The following SORCS2 variants were observed in gnomAD, a reference collection of about 807,000 sequenced individuals.
The protein encoded by SORCS2 is VPS10 domain-containing receptor SorCS2.
In SORCS2, 100 loss-of-function variants were observed where a neutral mutation model predicts 141.6. That is an observed-to-expected ratio of 0.71 (90% CI 0.60 to 0.83). The LOEUF (loss-of-function observed/expected upper bound fraction) is 0.83, where lower values mean the gene tolerates loss of function less well. Ranked by LOEUF, SORCS2 falls within the 40% of genes least tolerant of loss-of-function variation. The pLI, the probability that SORCS2 is intolerant of heterozygous loss-of-function variation, is 0.00. For synonymous variants in SORCS2, 789 were observed against 676.9 expected (o/e 1.17, Z -2.57); for missense variants, 1,646 against 1,560.2 (o/e 1.05, Z -0.93).
chr4:7,495,985 G>A (rs994179378), intron 2 of SORCS2, among the ~76,000 whole-genome samples: 1 of 152,206 alleles, frequency 6.6e-6, no homozygotes, highest in Admixed American at 6.5e-5. Flanking sequence ...GACAGAATGT[G>A]GGCCGAGGGT....
intron 1 of SORCS2, among the ~76,000 whole-genome samples, chr4:7,234,791 C>T (rs1398699429): frequency 6.6e-6 from 1 of 152,274 alleles, no homozygotes; most frequent in East Asian, 1.9e-4. Context: ...GCGCAGCCTG[C>T]CACCCTCTCC....
At chr4:7,268,096 C>T (rs528623155) in intron 1 of SORCS2, among the ~76,000 whole-genome samples, 9 of 152,186 alleles carry the variant, frequency 5.9e-5, no homozygotes, top group Non-Finnish European at 1.0e-4. Context: ...TGGTGGGCCC[C>T]GGGCCCCTGG....
Position 7,336,408 on chromosome 4 carries a change from G to A in SORCS2, c.481-59880G>A, listed in dbSNP as rs887550115. Among the ~76,000 whole-genome samples the A allele has an allele frequency of 1.3e-5, 2 of 151,992 alleles. 1 individual carries two copies. The highest frequency in any genetic ancestry group is 4.8e-5 in the African/African-American group (2 of 41,350). ...TCCCCGGAGGCCCTTGGCCCCGGCT[G>A]AGATCAATGCGAACAGATGGATGAA... On this transcript the variant is annotated intron_variant, in intron 1 of 26. Coordinates refer to ENST00000507866, the MANE Select transcript of SORCS2 (RefSeq NM_020777.3).
chr4:7,536,568 C>G (rs148225688), intron 3 of SORCS2, among the ~76,000 whole-genome samples: 303 of 152,232 alleles, frequency 2.0e-3, no homozygotes, highest in African/African-American at 6.8e-3. Context: ...GACTGTGGGG[C>G]AGAGGTCAGG....
chr4:7,375,986 T>C (rs976543919), intron 1 of SORCS2, among the ~76,000 whole-genome samples: 1 of 152,192 alleles, frequency 6.6e-6, no homozygotes, highest in South Asian at 2.1e-4. Context: ...ATGAGGTGAA[T>C]GCTTATAGCT....
chr4:7,480,777 C>T (rs887620513), intron 2 of SORCS2, among the ~76,000 whole-genome samples: 9 of 152,240 alleles, frequency 5.9e-5, no homozygotes, highest in East Asian at 1.9e-4. Context: ...CTCCCCAGCT[C>T]GCCAGGGCCG....
intron 2 of SORCS2, among the ~76,000 whole-genome samples, chr4:7,514,191 G>T (rs1018568898): frequency 6.6e-6 from 1 of 152,150 alleles, no homozygotes; most frequent in African/African-American, 2.4e-5. Context: ...TCCAGACCAG[G>T]CCACAGCTAT....
intron 1 of SORCS2, among the ~76,000 whole-genome samples, chr4:7,305,720 C>A (rs568371436): frequency 6.6e-6 from 1 of 152,318 alleles, no homozygotes; most frequent in East Asian, 1.9e-4. Flanking sequence ...TCTAGGGAGA[C>A]CTTCTCGATG....
intron 2 of SORCS2, among the ~76,000 whole-genome samples, chr4:7,400,713 G>T (rs952762682): frequency 6.6e-6 from 1 of 151,998 alleles, no homozygotes; most frequent in African/African-American, 2.4e-5. Flanking sequence ...ATGGATGGAT[G>T]GATGAATGGA....
At chr4:7,278,551 G>A (rs1715662548) in intron 1 of SORCS2, among the ~76,000 whole-genome samples, 1 of 152,230 alleles carries the variant, frequency 6.6e-6, no homozygotes, top group Non-Finnish European at 1.5e-5. Flanking sequence ...CACAGGGCAA[G>A]GTGCCGGCTC....
intron 2 of SORCS2, among the ~76,000 whole-genome samples, chr4:7,496,545 T>C (rs936958265): frequency 7.0e-6 from 1 of 141,950 alleles, no homozygotes; most frequent in African/African-American, 2.6e-5. Context: ...GCAACTTAAT[T>C]TTGGGTGTCA....
intron 9 of SORCS2, among the ~76,000 whole-genome samples, chr4:7,679,030 G>T (rs1465215460): frequency 6.6e-6 from 1 of 152,188 alleles, no homozygotes; most frequent in African/African-American, 2.4e-5. Context: ...CCTTTCTGGG[G>T]ATCAGGGATA....
At chr4:7,305,738 G>A (rs1303344908) in intron 1 of SORCS2, among the ~76,000 whole-genome samples, 1 of 152,214 alleles carries the variant, frequency 6.6e-6, no homozygotes, top group Non-Finnish European at 1.5e-5. Flanking sequence ...ATGCCGCTTG[G>A]TGGAAGTGGA....
At chr4:7,453,698 C>T in intron 2 of SORCS2, among the ~76,000 whole-genome samples, 4 of 113,410 alleles carry the variant, frequency 3.5e-5, no homozygotes, top group East Asian at 2.7e-4. Flanking sequence ...TGGGGTCAGG[C>T]ACTGTGTTGG....
chr4:7,540,822 C>G (rs575068744), intron 3 of SORCS2, among the ~76,000 whole-genome samples: 40 of 152,348 alleles, frequency 2.6e-4, no homozygotes, highest in South Asian at 2.1e-4. Flanking sequence ...GAACATTACC[C>G]ACCTCATCTG....
chr4:7,310,240 C>G (rs1460869679), intron 1 of SORCS2, among the ~76,000 whole-genome samples: 1 of 152,152 alleles, frequency 6.6e-6, no homozygotes, highest in East Asian at 1.9e-4. Context: ...TCCTCCACAA[C>G]TCATGGAGGT....
intron 2 of SORCS2, among the ~76,000 whole-genome samples, chr4:7,408,590 G>T (rs1054135319): frequency 1.3e-5 from 2 of 151,886 alleles, no homozygotes; most frequent in Admixed American, 6.6e-5. Flanking sequence ...GTCTTGTTTG[G>T]GTTGAATCTG....
At chr4:7,611,645 C>T (rs1051790356) in intron 3 of SORCS2, among the ~76,000 whole-genome samples, 4 of 152,096 alleles carry the variant, frequency 2.6e-5, no homozygotes, top group East Asian at 1.9e-4. Context: ...TCCACGTAGC[C>T]GCAGGTAAAA....
intron 1 of SORCS2, among the ~76,000 whole-genome samples, chr4:7,279,236 A>G (rs897698854): frequency 6.6e-6 from 1 of 152,228 alleles, no homozygotes; most frequent in Non-Finnish European, 1.5e-5. Context: ...AAAACAGTGT[A>G]AAAATAAAAT....
Sources: gnomAD v4.1 joint callset for allele counts (sites outside exome capture counted in the v4.1 genomes callset) on GRCh38, gnomAD v4.1.1 for gene constraint, MANE v1.5 for transcripts, NCBI Gene and HGNC (gene_info 2026-07-23, HGNC 2026-07-21) for gene names.